GKAP1: variants seen among roughly 807,000 people sequenced by gnomAD.
The protein encoded by GKAP1 is G kinase anchoring protein 1.
Under a neutral mutation model 56.7 loss-of-function variants are expected in GKAP1, and 31 were observed. That is an observed-to-expected ratio of 0.55 (90% confidence interval 0.41 to 0.74). GKAP1 has a LOEUF of 0.74. Among genes scored for constraint, GKAP1 ranks in the 30% least tolerant of loss-of-function variants. The pLI, the probability that GKAP1 is intolerant of heterozygous loss-of-function variation, is 0.00. For missense variants in GKAP1, 364 were observed against 402.3 expected, an observed-to-expected ratio of 0.90 and a Z score of 0.82; for synonymous variants, 151 against 138.6, an observed-to-expected ratio of 1.09 and a Z score of -0.63.
intron 7 of GKAP1, among the ~76,000 whole-genome samples, chr9:83,777,855 T>A (rs1410924507): frequency 3.3e-5 from 5 of 152,192 alleles, no homozygotes. Context: ...TTCTTTAGGC[T>A]TTTTTGGATT....
At chr9:83,771,478 A>G (rs970695722) in intron 7 of GKAP1, among the ~76,000 whole-genome samples, 38 of 152,230 alleles carry the variant, frequency 2.5e-4, no homozygotes, top group African/African-American at 8.9e-4. Flanking sequence ...ACATTATCTT[A>G]GAAAGTAAAG....
chr9:83,753,400 C>A, intron 8 of GKAP1, 41 bp from the exon 9 acceptor site: 1 of 1,255,986 alleles, frequency 8.0e-7, no homozygotes, highest in South Asian at 1.2e-5. Context: ...TTGATTATTC[C>A]GCTAATTCTG....
chr9:83,750,792 A>G (rs970734643), intron 9 of GKAP1, among the ~76,000 whole-genome samples: 1 of 152,078 alleles, frequency 6.6e-6, no homozygotes, highest in Non-Finnish European at 1.5e-5. Context: ...CTTAATAATT[A>G]TCATGTCACT....
chr9:83,790,960 G>T (rs753002893), intron 4 of GKAP1, among the ~76,000 whole-genome samples: 1 of 152,204 alleles, frequency 6.6e-6, no homozygotes, highest in African/African-American at 2.4e-5. Context: ...ATGTCACATA[G>T]TCTGATGATA....
At chr9:83,793,071 T>TA in intron 4 of GKAP1, 1 of 905,658 alleles carries the variant, frequency 1.1e-6, no homozygotes, top group East Asian at 6.8e-5. Flanking sequence ...CTCAATCAGT[T>TA]AAAGAGTATG....
At chr9:83,777,373 GC>G (rs1943881558) in intron 7 of GKAP1, among the ~76,000 whole-genome samples, 1 of 151,872 alleles carries the variant, frequency 6.6e-6, no homozygotes. Flanking sequence ...CATTTAAAAA[GC>G]AACATATTAA....
intron 2 of GKAP1, among the ~76,000 whole-genome samples, chr9:83,816,314 CAT>C (rs1392186587): frequency 6.6e-6 from 1 of 152,134 alleles, no homozygotes; most frequent in African/African-American, 2.4e-5. Flanking sequence ...ATTTTTTTCT[CAT>C]AGTTAAGTAC....
At chr9:83,803,811 C>A (rs1166853677) in intron 3 of GKAP1, among the ~76,000 whole-genome samples, 2 of 150,528 alleles carry the variant, frequency 1.3e-5, no homozygotes, top group Non-Finnish European at 3.0e-5. Context: ...AAGTGAGGAG[C>A]GCCTCTTCCC....
In GKAP1 at chr9:83,817,132, AAGGG is replaced by A. The variant is rs1179583201; in HGVS notation, c.-175-9_-175-6del. On this transcript the variant is annotated splice_region_variant and splice_polypyrimidine_tract_variant and intron_variant, in intron 1 of 12. Coordinates refer to ENST00000376371, the MANE Select transcript of GKAP1 (RefSeq NM_025211.4). ...GCAGAGAAGCGGCTTCAAAACCTGA[AAGGG>A]AGAAAACGAGTCAGGTCGTTGCTCC... is the stretch of plus-strand genomic sequence containing the variant. The A allele has an allele frequency of 3.9e-5, 6 of 152,112 alleles. No homozygotes were observed. The highest frequency in any genetic ancestry group is 7.2e-5 in the African/African-American group (3 of 41,438). The allele number at this position is 152,112 out of a possible 1,614,324, so 9.4% of individuals were successfully genotyped here. A position where few individuals can be genotyped will look rare whatever the true frequency, so the allele number is the denominator to read the frequency against.
chr9:83,777,408 C>G (rs957162053), intron 7 of GKAP1, among the ~76,000 whole-genome samples: 1 of 151,904 alleles, frequency 6.6e-6, no homozygotes, highest in African/African-American at 2.4e-5. Flanking sequence ...TTCAGTCCAA[C>G]AGAAGAAAAA....
chr9:83,761,436 G>A (rs1010352443), intron 8 of GKAP1, among the ~76,000 whole-genome samples: 10 of 151,932 alleles, frequency 6.6e-5, no homozygotes, highest in Non-Finnish European at 1.3e-4. Context: ...AAGTCTTCCA[G>A]TAAAGAAAAG....
chr9:83,746,562 A>T (rs972686339), intron 10 of GKAP1, among the ~76,000 whole-genome samples: 4 of 151,956 alleles, frequency 2.6e-5, no homozygotes, highest in Non-Finnish European at 4.4e-5. Context: ...AATTAGCCAG[A>T]CGTGGTAGCA....
At chr9:83,750,679 A>T (rs900836141) in intron 9 of GKAP1, among the ~76,000 whole-genome samples, 2 of 150,228 alleles carry the variant, frequency 1.3e-5, no homozygotes, top group Admixed American at 6.6e-5. Context: ...TAGGCTTTTT[A>T]AAAAATCTAT....
rs1264892337 is a variant in GKAP1 at position 83,779,444 on chromosome 9, T to TAC, written c.585+937_585+938insGT. Reference sequence around the variant, plus strand: ...CAGAAGCCATATATATATATATATATATATACACACACACACACACGCACA... The same window carrying TAC: ...CAGAAGCCATATATATATATATATATACATATACACACACACACACACGCACA... On this transcript the variant is annotated intron_variant, in intron 7 of 12. Coordinates refer to ENST00000376371, the MANE Select transcript of GKAP1 (RefSeq NM_025211.4). Among the ~76,000 whole-genome samples the TAC allele has an allele frequency of 8.5e-5, 7 of 82,766 alleles. 1 individual carries two copies. The highest frequency in any genetic ancestry group is 2.5e-4 in the African/African-American group (7 of 28,444). The allele number at this position is 82,766 out of a possible 152,430, so 54.3% of individuals were successfully genotyped here.
chr9:83,799,146 T>C (rs780272965), intron 4 of GKAP1, 39 bp downstream of exon 4: 8 of 1,587,630 alleles, frequency 5.0e-6, no homozygotes, highest in Non-Finnish European at 6.9e-6. Context: ...ATCCATAAAT[T>C]CAATGAAAAA....
intron 1 of GKAP1, 83 bp downstream of exon 1, chr9:83,817,434 G>C (rs1282263493): frequency 1.3e-5 from 2 of 151,808 alleles, no homozygotes; most frequent in East Asian, 3.9e-4. Context: ...GGGGCGCCGA[G>C]GGGAGCGCTG....
chr9:83,751,579 G>A (rs985743878), intron 9 of GKAP1, among the ~76,000 whole-genome samples: 8 of 152,092 alleles, frequency 5.3e-5, no homozygotes, highest in African/African-American at 1.9e-4. Context: ...ATGAGTAGAA[G>A]AAGAAGGGAA....
rs773207839 is a variant in GKAP1, at chr9:83,784,717, T to C, written c.560A>G (p.Glu187Gly). 2 of 1,585,394 alleles carry C rather than the reference T, an allele frequency of 1.3e-6. No individual in the cohort carries two copies. The highest frequency in any genetic ancestry group is 1.7e-6 in the Non-Finnish European group (2 of 1,165,768). ...TAATAGCATTGTATATACATTACCT[T>C]CCGAATGAAAATCTTTTAGTGATAC... ...LTVSLKDFHS[E>G]DHISKKTEEL... is the part of the protein sequence containing the mutation. The change falls in exon 6 of 13, where the codon GAA (glutamate) becomes GGA (glycine). Residue 187 changes from glutamate to glycine, a missense_variant and splice_region_variant. By Grantham distance (98) the Glu-to-Gly change is moderately conservative. Transcript: ENST00000376371.
intron 2 of GKAP1, among the ~76,000 whole-genome samples, chr9:83,813,455 T>G (rs1564219176): frequency 6.6e-6 from 1 of 152,210 alleles, no homozygotes; most frequent in Non-Finnish European, 1.5e-5. Context: ...GAGTTCCTTT[T>G]AAAAATAATT....
Sources: allele counts gnomAD v4.1 joint callset (sites outside exome capture counted in the v4.1 genomes callset), GRCh38; gene constraint gnomAD v4.1.1; transcripts MANE v1.5; gene names NCBI Gene and HGNC (gene_info 2026-07-23, HGNC 2026-07-21).